JAKMIP2: variants seen among roughly 807,000 people sequenced by gnomAD.
JAKMIP2 encodes the protein janus kinase and microtubule-interacting protein 2.
In JAKMIP2, 25 loss-of-function variants were observed where a neutral mutation model predicts 115.0. That is an observed-to-expected ratio of 0.22 (90% CI 0.16 to 0.30). The LOEUF (loss-of-function observed/expected upper bound fraction) is 0.30. Among genes scored for constraint, JAKMIP2 ranks in the 10% least tolerant of loss-of-function variants. The pLI is 1.00. For synonymous variants in JAKMIP2, 334 were observed against 343.6 expected (o/e 0.97, Z 0.31); for missense variants, 642 against 957.6 (o/e 0.67, Z 4.35).
rs1754968342 is a variant in JAKMIP2, at chr5:147,588,459, T to C, written c.*3248A>G. The C allele has an allele frequency of 2.0e-5, 3 of 151,474 alleles. No individual in the cohort carries two copies. The highest frequency in any genetic ancestry group is 2.1e-4 in the South Asian group (1 of 4,790). 9.4% of individuals were successfully genotyped at this position (151,474 alleles called of 1,614,324 possible). A position where few individuals can be genotyped will look rare whatever the true frequency, so the allele number is the denominator to read the frequency against. ...CTGAACATCCCATCCAAGGGAAGCA[T>C]TCATTTAAACACGGTCCATTTCCAT... On this transcript the variant is annotated 3_prime_UTR_variant, in exon 22 of 22. Coordinates refer to ENST00000616793, the MANE Select transcript of JAKMIP2 (RefSeq NM_001270941.2).
intron 16 of JAKMIP2, among the ~76,000 whole-genome samples, chr5:147,627,665 T>C (rs1299934460): frequency 2.3e-5 from 1 of 43,930 alleles, no homozygotes; most frequent in African/African-American, 8.4e-5. Flanking sequence ...CTCTAACAGA[T>C]AAAGCCTTTC....
chr5:147,686,645 C>T (rs17496550), intron 1 of JAKMIP2, among the ~76,000 whole-genome samples: 11,302 of 152,082 alleles, frequency 0.074, 540 homozygotes, highest in Middle Eastern at 0.17. Context: ...TAAAGAATTC[C>T]TTAAACCCGC....
At chr5:147,691,907 C>A (rs570911998) in intron 1 of JAKMIP2, among the ~76,000 whole-genome samples, 2 of 151,956 alleles carry the variant, frequency 1.3e-5, no homozygotes, top group Non-Finnish European at 2.9e-5. Flanking sequence ...TCTCTCAAGT[C>A]TTTAAACAGG....
chr5:147,667,556 G>A (rs1462231910), intron 2 of JAKMIP2, among the ~76,000 whole-genome samples: 1 of 152,076 alleles, frequency 6.6e-6, no homozygotes, highest in Non-Finnish European at 1.5e-5. Context: ...ACTTTGGCCT[G>A]GATTATCTGC....
At chr5:147,772,177 C>T (rs533771379) in intron 1 of JAKMIP2, among the ~76,000 whole-genome samples, 10 of 151,984 alleles carry the variant, frequency 6.6e-5, no homozygotes, top group East Asian at 1.9e-4. Flanking sequence ...GTGAAAAAAA[C>T]GCCTTAGTCT....
intron 16 of JAKMIP2, 58 bp from the exon 17 acceptor site, chr5:147,623,747 G>A (rs1424818013): frequency 9.0e-7 from 1 of 1,116,084 alleles, no homozygotes; most frequent in South Asian, 1.3e-5. Flanking sequence ...GTGTATATCT[G>A]TGTGCCCCCA....
At chr5:147,763,271 C>T (rs1447242159) in intron 1 of JAKMIP2, among the ~76,000 whole-genome samples, 1 of 152,082 alleles carries the variant, frequency 6.6e-6, no homozygotes, top group African/African-American at 2.4e-5. Context: ...CTAAATTACC[C>T]CCTTTCAGTT....
At chr5:147,715,365 T>C (rs1002064630) in intron 1 of JAKMIP2, among the ~76,000 whole-genome samples, 1 of 151,680 alleles carries the variant, frequency 6.6e-6, no homozygotes, top group African/African-American at 2.4e-5. Context: ...GAAATTGGCA[T>C]ACCAGGAAAA....
At position 147,630,465 on chromosome 5, in the gene JAKMIP2, C is replaced by T. The variant is rs200343587; in HGVS notation, c.1876-719G>A. Among the ~76,000 whole-genome samples the T allele has an allele frequency of 4.6e-5, 7 of 152,208 alleles. No individual in the cohort carries two copies. In the East Asian group the frequency reaches 1.2e-3, roughly 25 times the overall value. On this transcript the variant is annotated intron_variant, in intron 14 of 21. Transcript: ENST00000616793. ...TTGGTTGACAAATTACCATGCCACC[C>T]AGGAAGGCCAGAAGTTTAAACACCA...
intron 3 of JAKMIP2, chr5:147,660,548 A>AAC (rs1758904566): frequency 2.3e-6 from 1 of 425,986 alleles, no homozygotes; most frequent in Admixed American, 2.7e-5. Context: ...AAAACAAACA[A>AAC]TAAAACTCTA....
chr5:147,730,577 T>C (rs1753692516), intron 1 of JAKMIP2, among the ~76,000 whole-genome samples: 1 of 152,038 alleles, frequency 6.6e-6, no homozygotes, highest in African/African-American at 2.4e-5. Flanking sequence ...TGCCTCAGCC[T>C]CCCTAGTAGC....
intron 1 of JAKMIP2, among the ~76,000 whole-genome samples, chr5:147,736,344 C>G (rs1266100520): frequency 1.3e-5 from 2 of 151,786 alleles, no homozygotes; most frequent in Admixed American, 1.3e-4. Flanking sequence ...ATCTGTAGTC[C>G]CAGCTACTTG....
At position 147,620,650 on chromosome 5, in the gene JAKMIP2, C is replaced by T. The variant is rs776393424; in HGVS notation, c.2142+16G>A. On this transcript the variant is annotated intron_variant, in intron 18 of 21. Transcript: ENST00000616793. ...CTGTAAATACTGCGGGTGTCTCTAT[C>T]ACTTGTTGTACCTACCATATATGCT... The T allele has an allele frequency of 4.4e-6, 7 of 1,588,006 alleles. No homozygotes were observed. The highest frequency in any genetic ancestry group is 6.1e-6 in the Non-Finnish European group (7 of 1,156,856).
chr5:147,670,906 T>A (rs529539525), intron 2 of JAKMIP2, among the ~76,000 whole-genome samples: 3 of 152,270 alleles, frequency 2.0e-5, no homozygotes, highest in African/African-American at 7.2e-5. Flanking sequence ...GATTGAGGAG[T>A]GACAGCACTA....
chr5:147,730,287 A>C (rs745511784), intron 1 of JAKMIP2, among the ~76,000 whole-genome samples: 14 of 152,210 alleles, frequency 9.2e-5, no homozygotes, highest in Non-Finnish European at 1.3e-4. Context: ...TCAGGGTCCT[A>C]AGTCCATCTG....
chr5:147,628,296 A>C (rs951367441), intron 16 of JAKMIP2, among the ~76,000 whole-genome samples: 1 of 152,164 alleles, frequency 6.6e-6, no homozygotes, highest in African/African-American at 2.4e-5. Flanking sequence ...TTCTCCTGAC[A>C]GTCTCTATGT....
intron 1 of JAKMIP2, among the ~76,000 whole-genome samples, chr5:147,773,550 C>T (rs1755443734): frequency 6.6e-6 from 1 of 152,000 alleles, no homozygotes; most frequent in Non-Finnish European, 1.5e-5. Context: ...TCAGGGGCCT[C>T]GACTAAACCA....
chr5:147,661,614 G>T (rs927410607), intron 2 of JAKMIP2, 169 bp from the exon 3 acceptor site: 2 of 630,192 alleles, frequency 3.2e-6, no homozygotes, highest in Non-Finnish European at 5.5e-6. Flanking sequence ...TGGGAATACA[G>T]TGTGTAAGAG....
intron 1 of JAKMIP2, among the ~76,000 whole-genome samples, chr5:147,675,953 C>T (rs1759926532): frequency 1.3e-5 from 2 of 152,156 alleles, no homozygotes; most frequent in South Asian, 4.1e-4. Flanking sequence ...GATGGATTCT[C>T]TTGCTGCCTT....
Sources: allele counts gnomAD v4.1 joint callset (sites outside exome capture counted in the v4.1 genomes callset), GRCh38; gene constraint gnomAD v4.1.1; transcripts MANE v1.5; gene names NCBI Gene and HGNC (gene_info 2026-07-23, HGNC 2026-07-21).